The following DGKQ variants were observed in gnomAD, a reference collection of about 807,000 sequenced individuals.
The protein encoded by DGKQ is DAG kinase theta.
In DGKQ, 97 loss-of-function variants were observed where a neutral mutation model predicts 104.2. The observed-to-expected ratio is 0.93, with a 90% CI of 0.79 to 1.10. The LOEUF (loss-of-function observed/expected upper bound fraction) is 1.10. Among genes scored for constraint, DGKQ ranks in the 50% least tolerant of loss-of-function variants. The pLI, the probability that DGKQ is intolerant of heterozygous loss-of-function variation, is 0.00. For synonymous variants in DGKQ, 736 were observed against 595.2 expected, an observed-to-expected ratio of 1.24 and a Z score of -3.44; for missense variants, 1,465 against 1,352.1, an observed-to-expected ratio of 1.08 and a Z score of -1.31.
chr4:963,285 C>G lies in DGKQ; in HGVS notation c.1740G>C (p.Ala580=), dbSNP rs368255631. 46 of 1,599,964 alleles carry G rather than the reference C, an allele frequency of 2.9e-5. No homozygotes were observed. The highest frequency in any genetic ancestry group is 2.6e-5 in the Non-Finnish European group (30 of 1,169,850). ...GGGGACAGCTGTCTGGGGGCAGCTT[C>G]GCGTGCTGACAGACAGGGGGCTGGG... The part of the protein sequence containing the change: ...TALVLPDLLH[A]KLPPDSCPLL... Residue 580 remains alanine (A), a synonymous_variant, in exon 16 of 23, where the codon GCG becomes GCC. Transcript: ENST00000273814.
chr4:968,171 G>A, intron 5 of DGKQ, 111 bp downstream of exon 5: 1 of 697,914 alleles, frequency 1.4e-6, no homozygotes, highest in Non-Finnish European at 2.1e-6. Context: ...GCACCCACCT[G>A]GAACCCGCGC....
chr4:965,291 C>G lies in DGKQ; in HGVS notation c.1619G>C (p.Gly540Ala). The G allele has an allele frequency of 6.2e-7, 1 of 1,612,412 alleles. No individual in the cohort carries two copies. The highest frequency in any genetic ancestry group is 8.5e-7 in the Non-Finnish European group (1 of 1,179,664). ...VSVSHIYSSQ[G>A]AVVLDVACFA... is the part of the protein sequence containing the mutation. The stretch of plus-strand genomic sequence containing the variant: ...GCAGGCAACGTCCAACACTACCGCG[C>G]CTGCGGCAGGAGCCCAGGACTCAGG... Residue 540 changes from glycine (G) to alanine (A), a missense_variant and splice_region_variant, in exon 15 of 23, where the codon GGC becomes GCC. Gly to Ala is a moderately conservative substitution (Grantham distance 60). Transcript: ENST00000273814.
chr4:965,910 C>A lies in DGKQ; in HGVS notation c.1579+18G>T. On this transcript the variant is annotated intron_variant, in intron 13 of 22. Coordinates refer to ENST00000273814, the MANE Select transcript of DGKQ (RefSeq NM_001347.4). ...CTGCCCCGTGCCAGCAGCCCACGGC[C>A]AGCCACAGTGGTCACACCTTTGGTA... 1 of 1,580,360 alleles carries A rather than the reference C, an allele frequency of 6.3e-7. No individual in the cohort carries two copies. The highest frequency in any genetic ancestry group is 1.1e-5 in the South Asian group (1 of 87,454).
In DGKQ at chr4:968,263, T is replaced by TCCACCTCCCAG; in HGVS notation, c.663+18_663+19insCTGGGAGGTGG. The TCCACCTCCCAG allele has an allele frequency of 4.7e-6, 2 of 425,782 alleles. No individual in the cohort carries two copies. The highest frequency in any genetic ancestry group is 9.8e-5 in the East Asian group (1 of 10,154). 26.4% of individuals were successfully genotyped at this position (425,782 alleles called of 1,614,324 possible). On this transcript the variant is annotated intron_variant, in intron 5 of 22. Coordinates refer to ENST00000273814, the MANE Select transcript of DGKQ (RefSeq NM_001347.4). ...CCTCTCCTGCCCCACCCCCACCCCC[T>TCCACCTCCCAG]CGACTTCCCAGCGCCCACCTGGACC...
Position 971,009 on chromosome 4 carries a change from G to A in DGKQ, c.335C>T (p.Ala112Val). The A allele has an allele frequency of 6.4e-7, 1 of 1,552,688 alleles. No individual in the cohort carries two copies. The highest frequency in any genetic ancestry group is 8.7e-7 in the Non-Finnish European group (1 of 1,148,140). The change falls in exon 2 of 23, where the codon GCA (alanine) becomes GTA (valine). Residue 112 changes from alanine (A) to valine (V), a missense_variant. Physicochemically the swap from Ala to Val is moderately conservative, Grantham distance 64 (BLOSUM62 0). Transcript: ENST00000273814. The surrounding 1 kb of genome is among the most constrained non-coding windows in gnomAD (Gnocchi z 4.0). ...KHVRIPCTSV[A>V]PSLVRVPVAH... ...CACACTCACCCGGACCAGGCTGGGTGCCACACTCGTGCACGGGATCCTCAC... is the reference window on the plus strand; with the variant it reads ...CACACTCACCCGGACCAGGCTGGGTACCACACTCGTGCACGGGATCCTCAC...
Position 967,582 on chromosome 4 carries a change from C to G in DGKQ, c.954G>C (p.Thr318=). The G allele has an allele frequency of 1.2e-6, 2 of 1,612,652 alleles. No homozygotes were observed. The highest frequency in any genetic ancestry group is 1.7e-6 in the Non-Finnish European group (2 of 1,179,860). Residue 318 remains threonine (T), a synonymous_variant, in exon 8 of 23, where the codon ACG becomes ACC. Coordinates refer to ENST00000273814, the MANE Select transcript of DGKQ (RefSeq NM_001347.4). ...AVRRSQFRLV[T]VSRLAGAEEV... is the part of the protein sequence containing the mutation. ...CCTCGGCACCGGCCAGGCGGGACAC[C>G]GTGACGAGGCGGAACTGGCTTCTTC...
intron 12 of DGKQ, 189 bp downstream of exon 12, chr4:966,277 G>C: frequency 1.2e-6 from 1 of 831,728 alleles, no homozygotes; most frequent in South Asian, 1.7e-5. Flanking sequence ...GAGGACCTCG[G>C]GGAGATCTGC....
In DGKQ at chr4:965,134, C is replaced by T. The variant is rs755500134; in HGVS notation, c.1734+42G>A. On this transcript the variant is annotated intron_variant, in intron 15 of 22. Transcript: ENST00000273814. ...GCAGACCCCGACCTCCCTCTGGCCA[C>T]CCCCTGGGGTGTGTGAAGAGCCGGC... 2.6e-6 allele frequency: 4 copies of T among 1,567,712 alleles called. No individual in the cohort carries two copies. The East Asian group carries it at 6.7e-5, about 26-fold the overall frequency.
intron 2 of DGKQ, among the ~76,000 whole-genome samples, chr4:970,030 C>A (rs1221136274): frequency 6.6e-6 from 1 of 152,284 alleles, no homozygotes; most frequent in African/African-American, 2.4e-5. Context: ...CAGCCTCGGG[C>A]CGTCCACATG....
At chr4:973,060 C>A in intron 1 of DGKQ, 152 bp downstream of exon 1, 1 of 1,252,506 alleles carries the variant, frequency 8.0e-7, no homozygotes, top group Admixed American at 4.3e-5. Context: ...GGCGCACAGG[C>A]CCCGGCCGCC....
In DGKQ at chr4:960,576, C is replaced by T. The variant is rs556587375; in HGVS notation, c.*44G>A. ...CCAGACCACCTGAAAACAAGGCTGGCGGGAGCAGAGATGGCTCGAGCCCTT... is the reference window on the plus strand; with the variant it reads ...CCAGACCACCTGAAAACAAGGCTGGTGGGAGCAGAGATGGCTCGAGCCCTT... On this transcript the variant is annotated 3_prime_UTR_variant, in exon 23 of 23. Coordinates refer to ENST00000273814, the MANE Select transcript of DGKQ (RefSeq NM_001347.4). 14 of 1,559,130 alleles carry T rather than the reference C, an allele frequency of 9.0e-6. No individual in the cohort carries two copies. The highest frequency in any genetic ancestry group is 1.7e-4 in the Middle Eastern group (1 of 5,954).
Position 961,731 on chromosome 4 carries a change from C to T in DGKQ, c.2419G>A (p.Glu807Lys), listed in dbSNP as rs1201227373. The T allele has an allele frequency of 1.2e-6, 2 of 1,612,744 alleles. No individual in the cohort carries two copies. Among genetic ancestry groups the T allele is most frequent in the African/African-American group, 1.3e-5 (1 of 75,040 alleles). Residue 807 changes from glutamate to lysine, a missense_variant, in exon 20 of 23, where the codon GAG becomes AAG. Physicochemically the swap from Glu to Lys is moderately conservative, Grantham distance 56. Coordinates refer to ENST00000273814, the MANE Select transcript of DGKQ (RefSeq NM_001347.4). ...IRLQVERQEVELPSIEGLIFI... is the reference protein window; with the variant it reads ...IRLQVERQEVKLPSIEGLIFI... Reference sequence around the variant, plus strand: ...ATGAGGCCTTCAATACTGGGCAGCTCCACCTCCTGCCGCTCCACCTGCAGC... The same window carrying T: ...ATGAGGCCTTCAATACTGGGCAGCTTCACCTCCTGCCGCTCCACCTGCAGC...
At position 971,659 on chromosome 4, in the gene DGKQ, G is replaced by A. The variant is rs1487059502; in HGVS notation, c.272-587C>T. Among the ~76,000 whole-genome samples, 1 of 152,116 alleles carries A rather than the reference G, an allele frequency of 6.6e-6. No individual in the cohort carries two copies. Among genetic ancestry groups the A allele is most frequent in the Non-Finnish European group, 1.5e-5 (1 of 68,002 alleles). ...ACCCAGGGAGCACCTGAGCCGGCGG[G>A]GTGCTCAGGAGGGCATAAGAGGAGC... On this transcript the variant is annotated intron_variant, in intron 1 of 22. Transcript: ENST00000273814. This position sits in a 1 kb window ranked among gnomAD's most constrained non-coding sequence, Gnocchi z 4.0.
intron 2 of DGKQ, among the ~76,000 whole-genome samples, chr4:969,985 G>A (rs1356531050): frequency 2.0e-5 from 3 of 152,276 alleles, no homozygotes; most frequent in Non-Finnish European, 2.9e-5. Context: ...ATTTAGCAAA[G>A]TATAGAAGAC....
At position 967,114 on chromosome 4, in the gene DGKQ, C is replaced by T. The variant is rs768438095; in HGVS notation, c.1220+15G>A. 1.5e-5 allele frequency: 24 copies of T among 1,563,746 alleles called. No individual in the cohort carries two copies. Among genetic ancestry groups the T allele is most frequent in the Middle Eastern group, 1.7e-4 (1 of 5,998 alleles). On this transcript the variant is annotated intron_variant, in intron 9 of 22. Coordinates refer to ENST00000273814, the MANE Select transcript of DGKQ (RefSeq NM_001347.4). Reference sequence around the variant, plus strand: ...ACCCCGCCCAGCAGACCCTGAGCCTCGGGCCCAGTCTCACTTGAGCCAGCC... The same window carrying T: ...ACCCCGCCCAGCAGACCCTGAGCCTTGGGCCCAGTCTCACTTGAGCCAGCC...
chr4:961,223 G>T, intron 21 of DGKQ, 22 bp from the exon 22 acceptor site: 1 of 1,516,528 alleles, frequency 6.6e-7, no homozygotes, highest in Non-Finnish European at 8.8e-7. Context: ...GAGGCCAGCC[G>T]GGCTCAGCGG....
intron 8 of DGKQ, 85 bp from the exon 9 acceptor site, chr4:967,446 G>A (rs1712483666): frequency 1.4e-6 from 2 of 1,399,002 alleles, no homozygotes; most frequent in East Asian, 2.5e-5. Flanking sequence ...GGGAGGCCAG[G>A]TGGGTGAGGG....
At position 967,957 on chromosome 4, in the gene DGKQ, G is replaced by C; in HGVS notation, c.734C>G (p.Pro245Arg). Residue 245 changes from proline to arginine, a missense_variant, in exon 6 of 23, where the codon CCT becomes CGT. Physicochemically the swap from Pro to Arg is moderately radical, Grantham distance 103. Transcript: ENST00000273814. ...GFGRLRSLVL[P>R]PACVRLLPGG... ...GGGCAGAAGGCGCACGCACGCGGGA[G>C]GCAGGACCAGGGAGCGCAGACGCCC... The C allele has an allele frequency of 6.7e-7, 1 of 1,487,468 alleles. No individual in the cohort carries two copies. The highest frequency in any genetic ancestry group is 2.6e-5 in the East Asian group (1 of 38,078). 92.1% of individuals were successfully genotyped at this position (1,487,468 alleles called of 1,614,324 possible). A position where few individuals can be genotyped will look rare whatever the true frequency, so the allele number is the denominator to read the frequency against.
chr4:960,234 C>A lies in DGKQ; in HGVS notation c.*386G>T, dbSNP rs1052446712. ...CCGAGGGGCACAAAGTGAGATCAGA[C>A]CCACCTGGACGGCCTGCATCCAGCA... On this transcript the variant is annotated 3_prime_UTR_variant, in exon 23 of 23. Coordinates refer to ENST00000273814, the MANE Select transcript of DGKQ (RefSeq NM_001347.4). 4.5e-6 allele frequency: 1 copy of A among 221,610 alleles called. No homozygotes were observed. Among genetic ancestry groups the A allele is most frequent in the Non-Finnish European group, 9.1e-6 (1 of 110,396 alleles). The allele number at this position is 221,610 out of a possible 1,614,324, so 13.7% of individuals were successfully genotyped here.
Sources: gnomAD v4.1 joint callset for allele counts (sites outside exome capture counted in the v4.1 genomes callset) on GRCh38, gnomAD v4.1.1 for gene constraint, Gnocchi (gnomAD v3.1) non-coding constraint, MANE v1.5 for transcripts, NCBI Gene and HGNC (gene_info 2026-07-23, HGNC 2026-07-21) for gene names.